Variants in GRIK2 observed in about 807,000 individuals in gnomAD.
GRIK2 encodes glutamate receptor ionotropic, kainate 2.
A neutral mutation model predicts 100.3 loss-of-function variants in GRIK2; 32 were observed. The observed-to-expected ratio is 0.32, with a 90% CI of 0.24 to 0.43. The LOEUF is 0.43. Ranked by LOEUF, GRIK2 falls within the 20% of genes least tolerant of loss-of-function variation. The pLI, the probability that GRIK2 is intolerant of heterozygous loss-of-function variation, is 1.00. For synonymous variants in GRIK2, 417 were observed against 389.4 expected, an observed-to-expected ratio of 1.07 and a Z score of -0.83; for missense variants, 843 against 1,114.9, an observed-to-expected ratio of 0.76 and a Z score of 3.47.
chr6:101,684,125 T>C (rs749633417), intron 6 of GRIK2, among the ~76,000 whole-genome samples: 2 of 152,232 alleles, frequency 1.3e-5, no homozygotes, highest in Non-Finnish European at 2.9e-5. Context: ...GGCTCTGGCA[T>C]ATCTCTATAT....
chr6:101,891,334 T>A (rs1185703757), intron 12 of GRIK2, among the ~76,000 whole-genome samples: 1 of 151,828 alleles, frequency 6.6e-6, no homozygotes, highest in Non-Finnish European at 1.5e-5. Flanking sequence ...CTGGCCAAAA[T>A]GGTGAAACCC....
At chr6:101,412,332 G>C (rs116097954) in intron 2 of GRIK2, among the ~76,000 whole-genome samples, 2,173 of 152,064 alleles carry the variant, frequency 0.014, 51 homozygotes, top group African/African-American at 0.05. Context: ...AGTGTTTTCT[G>C]TATTGATTGC....
rs566403069 is a variant in GRIK2, at chr6:101,540,133, G to T, written c.116-81816G>T. Reference sequence around the variant, plus strand: ...ATAGTTATTTTTCTCTGTGGTCAAAGCTGTGGTTTATGAAGATATACATTC... The same window carrying T: ...ATAGTTATTTTTCTCTGTGGTCAAATCTGTGGTTTATGAAGATATACATTC... On this transcript the variant is annotated intron_variant, in intron 2 of 16. Transcript: ENST00000369134. 2.6e-5 allele frequency among the ~76,000 whole-genome samples: 4 copies of T among 151,528 alleles called. No homozygotes were observed. The South Asian group carries it at 8.3e-4, about 32-fold the overall frequency.
rs116452011 is a variant in GRIK2, at chr6:101,900,699, G to A, written c.1748+10836G>A. Among the ~76,000 whole-genome samples the A allele has an allele frequency of 5.4e-3, 825 of 152,094 alleles. 5 individuals carry two copies. Among genetic ancestry groups the A allele is most frequent in the African/African-American group, 0.019 (780 of 41,514 alleles). Reference sequence around the variant, plus strand: ...CAAGTCATTCAGCTTTGTGAAAGATGTTATAAAAATTATTTTTATAGGTAA... The same window carrying A: ...CAAGTCATTCAGCTTTGTGAAAGATATTATAAAAATTATTTTTATAGGTAA... On this transcript the variant is annotated intron_variant, in intron 12 of 16. Transcript: ENST00000369134.
At chr6:101,597,789 G>A (rs1416728218) in intron 2 of GRIK2, among the ~76,000 whole-genome samples, 1 of 151,688 alleles carries the variant, frequency 6.6e-6, no homozygotes, top group Non-Finnish European at 1.5e-5. Flanking sequence ...TAGTAGAAGA[G>A]TTGTTAAAAA....
At chr6:101,570,775 G>C (rs1012291801) in intron 2 of GRIK2, among the ~76,000 whole-genome samples, 1 of 152,138 alleles carries the variant, frequency 6.6e-6, no homozygotes, top group African/African-American at 2.4e-5. Context: ...GAACTTGGCT[G>C]ACCTCCAGGG....
chr6:101,523,823 G>A (rs1489573011), intron 2 of GRIK2, among the ~76,000 whole-genome samples: 1 of 150,796 alleles, frequency 6.6e-6, no homozygotes, highest in Non-Finnish European at 1.5e-5. Context: ...GGGTTCAAGC[G>A]ATTCCACTGC....
chr6:101,978,760 A>G (rs1793547854), intron 14 of GRIK2, among the ~76,000 whole-genome samples: 1 of 152,028 alleles, frequency 6.6e-6, no homozygotes, highest in Non-Finnish European at 1.5e-5. Flanking sequence ...TGTATATAAT[A>G]TTTAGAATTA....
chr6:101,924,768 T>G, intron 13 of GRIK2, 49 bp downstream of exon 13: 1 of 1,139,260 alleles, frequency 8.8e-7, no homozygotes, highest in Non-Finnish European at 1.3e-6. Context: ...TCCCACTCTT[T>G]GCTGGGGGTG....
chr6:101,778,259 A>T (rs184003750), intron 7 of GRIK2, among the ~76,000 whole-genome samples: 1 of 152,172 alleles, frequency 6.6e-6, no homozygotes, highest in Non-Finnish European at 1.5e-5. Flanking sequence ...ATTTGCTAGG[A>T]TTCTAGATAG....
At chr6:101,936,344 A>G (rs1167007241) in intron 14 of GRIK2, among the ~76,000 whole-genome samples, 1 of 152,032 alleles carries the variant, frequency 6.6e-6, no homozygotes, top group African/African-American at 2.4e-5. Context: ...AATGTGGGAA[A>G]TTCACTAATG....
chr6:101,934,969 G>A (rs1002302485), intron 14 of GRIK2, among the ~76,000 whole-genome samples: 13 of 151,886 alleles, frequency 8.6e-5, no homozygotes, highest in Non-Finnish European at 1.5e-4. Flanking sequence ...TTGAATTTTA[G>A]ATATGTTTGG....
At chr6:102,010,410 G>A (rs920771009) in intron 14 of GRIK2, among the ~76,000 whole-genome samples, 1 of 145,292 alleles carries the variant, frequency 6.9e-6, no homozygotes, top group Non-Finnish European at 1.5e-5. Context: ...TTGAGACAGA[G>A]TCTCACTCTG....
At chr6:101,846,456 A>G (rs553535645) in intron 10 of GRIK2, among the ~76,000 whole-genome samples, 1 of 152,218 alleles carries the variant, frequency 6.6e-6, no homozygotes, top group South Asian at 2.1e-4. Flanking sequence ...TGTATTCTTA[A>G]GGGACATTGG....
At chr6:101,404,911 T>G (rs981674951) in intron 2 of GRIK2, among the ~76,000 whole-genome samples, 1 of 152,132 alleles carries the variant, frequency 6.6e-6, no homozygotes, top group African/African-American at 2.4e-5. Context: ...AAGAGGAAGA[T>G]TTCAATCTGA....
chr6:101,912,318 A>G (rs562416412), intron 12 of GRIK2, among the ~76,000 whole-genome samples: 29 of 151,184 alleles, frequency 1.9e-4, no homozygotes, highest in African/African-American at 6.8e-4. Context: ...GCAGCAAAAA[A>G]CTCTAACAGA....
chr6:101,871,685 C>G (rs1189277470), intron 11 of GRIK2, among the ~76,000 whole-genome samples: 1 of 151,992 alleles, frequency 6.6e-6, no homozygotes, highest in Non-Finnish European at 1.5e-5. Flanking sequence ...CATCTACACA[C>G]TTGTTGCCAC....
At chr6:102,028,078 A>G (rs1769795835) in intron 14 of GRIK2, among the ~76,000 whole-genome samples, 1 of 151,200 alleles carries the variant, frequency 6.6e-6, no homozygotes, top group Non-Finnish European at 1.5e-5. Flanking sequence ...ACTTGCAAAG[A>G]GCCAAATAAT....
intron 14 of GRIK2, among the ~76,000 whole-genome samples, chr6:101,965,545 G>A (rs1298383541): frequency 6.6e-6 from 1 of 151,860 alleles, no homozygotes; most frequent in Non-Finnish European, 1.5e-5. Context: ...AATAAAAAAA[G>A]TAATGTTTAT....
Sources: allele counts gnomAD v4.1 joint callset (sites outside exome capture counted in the v4.1 genomes callset), GRCh38; gene constraint gnomAD v4.1.1; transcripts MANE v1.5; gene names NCBI Gene and HGNC (gene_info 2026-07-23, HGNC 2026-07-21).